Variants in PPFIBP2 observed in about 807,000 individuals in gnomAD.
The protein encoded by PPFIBP2 is liprin-beta-2.
Under a neutral mutation model 118.3 loss-of-function variants are expected in PPFIBP2, and 118 were observed. That is an observed-to-expected ratio of 1.00 (90% confidence interval 0.86 to 1.16). The LOEUF (loss-of-function observed/expected upper bound fraction) is 1.16, where lower values mean the gene tolerates loss of function less well. Among genes scored for constraint, PPFIBP2 ranks in the 50% most tolerant of loss-of-function variants. The pLI, the probability that PPFIBP2 is intolerant of heterozygous loss-of-function variation, is 0.00. For missense variants in PPFIBP2, 1,195 were observed against 1,073.1 expected, an observed-to-expected ratio of 1.11 and a Z score of -1.59; for synonymous variants, 414 against 397.4, an observed-to-expected ratio of 1.04 and a Z score of -0.50.
intron 5 of PPFIBP2, among the ~76,000 whole-genome samples, chr11:7,604,511 C>CA (rs939670210): frequency 2.0e-5 from 3 of 150,048 alleles, no homozygotes; most frequent in Non-Finnish European, 3.0e-5. Flanking sequence ...CCCATACACA[C>CA]AGACACACCC....
chr11:7,647,804 A>G (rs1370730661), intron 17 of PPFIBP2, among the ~76,000 whole-genome samples: 2 of 152,236 alleles, frequency 1.3e-5, no homozygotes, highest in African/African-American at 2.4e-5. Flanking sequence ...AATACTGGCT[A>G]TGACTCTCAG....
chr11:7,529,078 C>CAGAGGAAATATTCAGAGGAAGAAGTT (rs1367657310), intron 1 of PPFIBP2, among the ~76,000 whole-genome samples: 77 of 152,216 alleles, frequency 5.1e-4, no homozygotes, highest in African/African-American at 1.7e-3. Flanking sequence ...ACTGAGAAGA[C>CAGAGGAAATATTCAGAGGAAGAAGTT]AGAGGAAATA....
chr11:7,651,485 G>A, intron 22 of PPFIBP2, 171 bp from the exon 23 acceptor site: 1 of 598,082 alleles, frequency 1.7e-6, no homozygotes, highest in Non-Finnish European at 2.9e-6. Flanking sequence ...TATGTGCTCA[G>A]AGCCAGGCCC....
chr11:7,514,015 A>G lies in PPFIBP2; in HGVS notation c.-143A>G, dbSNP rs1182017980. The G allele has an allele frequency of 1.3e-5, 2 of 152,268 alleles. No homozygotes were observed. Among genetic ancestry groups the G allele is most frequent in the African/African-American group, 4.8e-5 (2 of 41,446 alleles). 9.4% of individuals were successfully genotyped at this position (152,268 alleles called of 1,614,324 possible). A position where few individuals can be genotyped will look rare whatever the true frequency, so the allele number is the denominator to read the frequency against. On this transcript the variant is annotated 5_prime_UTR_variant, in exon 1 of 24. Coordinates refer to ENST00000299492, the MANE Select transcript of PPFIBP2 (RefSeq NM_003621.5). ...TGGTCCGGCAGTTGGTCGGTGGGCCAGTGGCCCGTCGCTCGCTTCTGGGCT... is the reference window on the plus strand; with the variant it reads ...TGGTCCGGCAGTTGGTCGGTGGGCCGGTGGCCCGTCGCTCGCTTCTGGGCT...
chr11:7,575,979 A>G (rs1856268494), intron 3 of PPFIBP2, among the ~76,000 whole-genome samples: 1 of 152,166 alleles, frequency 6.6e-6, no homozygotes, highest in Non-Finnish European at 1.5e-5. Context: ...GCTGCTGGCT[A>G]GAGCTCTCCT....
chr11:7,609,567 T>A (rs769085619), intron 5 of PPFIBP2, among the ~76,000 whole-genome samples: 7 of 152,226 alleles, frequency 4.6e-5, no homozygotes, highest in Non-Finnish European at 7.3e-5. Flanking sequence ...GTGTTTTTAT[T>A]AGTGACAGGT....
chr11:7,519,020 A>G (rs1849493409), intron 1 of PPFIBP2, among the ~76,000 whole-genome samples: 1 of 152,074 alleles, frequency 6.6e-6, no homozygotes, highest in South Asian at 2.1e-4. Flanking sequence ...GGCAGTGAGG[A>G]AGGAGAATGA....
At chr11:7,646,209 C>A (rs1853032192) in intron 17 of PPFIBP2, among the ~76,000 whole-genome samples, 1 of 152,224 alleles carries the variant, frequency 6.6e-6, no homozygotes, top group Non-Finnish European at 1.5e-5. Flanking sequence ...ACATAAAACT[C>A]ATGTACTGCC....
At chr11:7,548,563 GGT>G (rs1852591573) in intron 1 of PPFIBP2, 1 of 152,188 alleles carries the variant, frequency 6.6e-6, no homozygotes. Context: ...CCAGGGAGAG[GGT>G]GGGGAACAAG....
intron 8 of PPFIBP2, among the ~76,000 whole-genome samples, chr11:7,628,076 A>C (rs552742832): frequency 6.6e-6 from 1 of 152,340 alleles, no homozygotes; most frequent in African/African-American, 2.4e-5. Flanking sequence ...TATAAAGAGA[A>C]GACAGAGTAC....
At chr11:7,656,638 C>T (rs1481001201), downstream of PPFIBP2, 4 of 951,832 alleles carry the variant, frequency 4.2e-6, no homozygotes, top group Non-Finnish European at 4.4e-6. Flanking sequence ...GCAGCCCTCA[C>T]CCAGTGCCCT....
At chr11:7,551,212 C>T (rs998917937) in intron 2 of PPFIBP2, among the ~76,000 whole-genome samples, 2 of 152,048 alleles carry the variant, frequency 1.3e-5, no homozygotes, top group African/African-American at 2.4e-5. Context: ...CTCGGGGTCT[C>T]ACGTGCATTG....
chr11:7,617,056 G>A (rs535283524), intron 6 of PPFIBP2: 107 of 908,958 alleles, frequency 1.2e-4, no homozygotes, highest in Middle Eastern at 1.1e-3. Flanking sequence ...GGAGTTCTGC[G>A]TCTGAGAGCT....
intron 5 of PPFIBP2, among the ~76,000 whole-genome samples, chr11:7,600,340 T>A (rs12288655): frequency 0.018 from 2,676 of 152,356 alleles, 35 homozygotes; most frequent in Non-Finnish European, 0.026. Context: ...ATGCTATTGC[T>A]TTCCTGAAGT....
chr11:7,640,935 CTT>C (rs1852092985), intron 15 of PPFIBP2: 8 of 1,015,166 alleles, frequency 7.9e-6, no homozygotes, highest in South Asian at 5.4e-5. Context: ...CGATGACACT[CTT>C]TTGTTTATTT....
At chr11:7,608,320 T>G (rs1847639966) in intron 5 of PPFIBP2, among the ~76,000 whole-genome samples, 1 of 152,218 alleles carries the variant, frequency 6.6e-6, no homozygotes, top group African/African-American at 2.4e-5. Flanking sequence ...AAATGAGTTC[T>G]GGAGTCAAAC....
Position 7,653,442 on chromosome 11 carries a change from G to A in PPFIBP2, c.*224G>A. The A allele has an allele frequency of 2.7e-6, 4 of 1,506,374 alleles. No homozygotes were observed. The highest frequency in any genetic ancestry group is 3.5e-6 in the Non-Finnish European group (4 of 1,129,886). 93.3% of individuals were successfully genotyped at this position (1,506,374 alleles called of 1,614,324 possible). A position where few individuals can be genotyped will look rare whatever the true frequency, so the allele number is the denominator to read the frequency against. The stretch of plus-strand genomic sequence containing the variant: ...GGGACCATTGCCAAAGGTGGACTCA[G>A]GAGGAAAGACACTTAAAGACACTTT... On this transcript the variant is annotated 3_prime_UTR_variant, in exon 24 of 24. Coordinates refer to ENST00000299492, the MANE Select transcript of PPFIBP2 (RefSeq NM_003621.5).
chr11:7,539,193 TAGC>T (rs1391621774), intron 1 of PPFIBP2: 1 of 152,462 alleles, frequency 6.6e-6, no homozygotes, highest in African/African-American at 2.4e-5. Flanking sequence ...GCAACTCTGA[TAGC>T]AACGTTCTCA....
At chr11:7,523,593 A>G (rs928740187) in intron 1 of PPFIBP2, among the ~76,000 whole-genome samples, 4 of 152,200 alleles carry the variant, frequency 2.6e-5, no homozygotes, top group Non-Finnish European at 4.4e-5. Flanking sequence ...GGACAGCCAC[A>G]AATTGCACAG....
Sources: gnomAD v4.1 joint callset for allele counts (sites outside exome capture counted in the v4.1 genomes callset) on GRCh38, gnomAD v4.1.1 for gene constraint, MANE v1.5 for transcripts, NCBI Gene and HGNC (gene_info 2026-07-23, HGNC 2026-07-21) for gene names.